FER1L5: variants seen among roughly 807,000 people sequenced by gnomAD.
The protein encoded by FER1L5 is fer-1-like protein 5.
Under a neutral mutation model 279.9 loss-of-function variants are expected in FER1L5, and 187 were observed. That is an observed-to-expected ratio of 0.67 (90% CI 0.59 to 0.75). FER1L5 has a LOEUF of 0.75. Among genes scored for constraint, FER1L5 ranks in the 30% least tolerant of loss-of-function variants. The pLI is 0.00. For synonymous variants in FER1L5, 921 were observed against 989.7 expected (o/e 0.93, Z 1.30); for missense variants, 2,091 against 2,594.4 (o/e 0.81, Z 4.21).
rs1318881430 is a variant in FER1L5 at position 96,661,313 on chromosome 2, C to G, written c.779-12C>G. The G allele has an allele frequency of 6.6e-7, 1 of 1,516,334 alleles. No individual in the cohort carries two copies. Among genetic ancestry groups the G allele is most frequent in the African/African-American group, 1.4e-5 (1 of 71,450 alleles). 93.9% of individuals were successfully genotyped at this position (1,516,334 alleles called of 1,614,324 possible). A position where few individuals can be genotyped will look rare whatever the true frequency, so the allele number is the denominator to read the frequency against. ...TGCAGGCAGATCTCCCATGGCCTTT[C>G]TGCCTCTCTAGGTCACACACTCCTA... On this transcript the variant is annotated splice_polypyrimidine_tract_variant and intron_variant, in intron 10 of 52. Transcript: ENST00000624922.
chr2:96,683,672 AG>A (rs1364353927), intron 19 of FER1L5, among the ~76,000 whole-genome samples: 3 of 152,206 alleles, frequency 2.0e-5, no homozygotes, highest in Non-Finnish European at 4.4e-5. Flanking sequence ...TAGTCGCCAA[AG>A]AAAAGCACAA....
At position 96,691,601 on chromosome 2, in the gene FER1L5, G is replaced by C. The variant is rs1358984962; in HGVS notation, c.3064G>C (p.Glu1022Gln). The change falls in exon 29 of 53, where the codon GAG (glutamate) becomes CAG (glutamine). Residue 1022 changes from glutamate (E) to glutamine (Q), a missense_variant. By Grantham distance (29) the Glu-to-Gln change is conservative. Transcript: ENST00000624922. This position sits in a 1 kb window ranked among gnomAD's most constrained non-coding sequence, Gnocchi z 6.0. ...GGGCATCGCGCCCATATTCCTCCTG[G>C]AGGGGTCCTTGGTAAAGCCTCACAG... ...DKGIAPIFLL[E>Q]GSLAMDLKYH... The C allele has an allele frequency of 4.6e-6, 7 of 1,529,312 alleles. No homozygotes were observed. The Admixed American group carries it at 1.3e-4, about 28-fold the overall frequency. 94.7% of individuals were successfully genotyped at this position (1,529,312 alleles called of 1,614,324 possible).
In FER1L5 at chr2:96,646,442, G is replaced by C. The variant is rs368841036; in HGVS notation, c.127G>C (p.Val43Leu). The change falls in exon 2 of 53, where the codon GTG becomes CTG. Residue 43 changes from valine to leucine, a missense_variant. Physicochemically the swap from Val to Leu is conservative, Grantham distance 32. Transcript: ENST00000624922. Reference protein sequence around the residue: ...RTRVVEGNDPVWNETLIWHLW... With the variant: ...RTRVVEGNDPLWNETLIWHLW... ...TCGTGTGGTGGAAGGGAATGATCCC[G>C]TGTGGAATGAGGTAGACAACAGGGC... The C allele has an allele frequency of 3.6e-5, 56 of 1,551,626 alleles. No individual in the cohort carries two copies. Among genetic ancestry groups the C allele is most frequent in the Non-Finnish European group, 4.2e-5 (48 of 1,146,944 alleles).
chr2:96,663,434 T>G lies in FER1L5; in HGVS notation c.1072-5T>G, dbSNP rs1411850414. ...TGGCACCAACACTGCTTTGGGACAT[T>G]CCAGCTCAGGACACACATGCAGACC... On this transcript the variant is annotated splice_region_variant and splice_polypyrimidine_tract_variant and intron_variant, in intron 13 of 52. Transcript: ENST00000624922. 1 of 1,551,508 alleles carries G rather than the reference T, an allele frequency of 6.4e-7. No homozygotes were observed. The highest frequency in any genetic ancestry group is 2.4e-5 in the East Asian group (1 of 40,906).
chr2:96,693,721 A>G, intron 32 of FER1L5, 34 bp downstream of exon 32: 1 of 1,540,614 alleles, frequency 6.5e-7, no homozygotes, highest in Non-Finnish European at 8.8e-7. Context: ...GGGGAAGAGG[A>G]CCTACCTCAC....
rs2077617273 is a variant in FER1L5 at position 96,702,395 on chromosome 2, T to G, written c.5249T>G (p.Ile1750Ser). 6.2e-7 allele frequency: 1 copy of G among 1,610,834 alleles called. No homozygotes were observed. Among genetic ancestry groups the G allele is most frequent in the Non-Finnish European group, 8.5e-7 (1 of 1,178,638 alleles). The change falls in exon 47 of 53, where the codon ATC (isoleucine) becomes AGC (serine). Residue 1750 changes from isoleucine (I) to serine (S), a missense_variant. Transcript: ENST00000624922. The surrounding 1 kb of genome is among the most constrained non-coding windows in gnomAD (Gnocchi z 4.0). Reference protein sequence around the residue: ...LSREKTSDIYIKGWLYGLEKD... With the variant: ...LSREKTSDIYSKGWLYGLEKD... Reference sequence around the variant, plus strand: ...AGAGAGAAGACGAGCGACATCTACATCAAAGGGTAGGGAAGAGGAGTCAGG... The same window carrying G: ...AGAGAGAAGACGAGCGACATCTACAGCAAAGGGTAGGGAAGAGGAGTCAGG...
At chr2:96,655,126 C>T (rs532049169) in intron 9 of FER1L5, among the ~76,000 whole-genome samples, 1 of 152,212 alleles carries the variant, frequency 6.6e-6, no homozygotes, top group East Asian at 1.9e-4. Flanking sequence ...GGACACAGTT[C>T]AAATCTCTGC....
At chr2:96,647,212 T>C (rs1484364573) in intron 3 of FER1L5, 57 bp downstream of exon 3, 1 of 1,497,742 alleles carries the variant, frequency 6.7e-7, no homozygotes, top group Non-Finnish European at 9.1e-7. Context: ...CAGCAAGTTA[T>C]GTGATCCTTG....
Position 96,646,445 on chromosome 2 carries a change from T to G in FER1L5, c.130T>G (p.Trp44Gly). ...TGTGGTGGAAGGGAATGATCCCGTG[T>G]GGAATGAGGTAGACAACAGGGCAAG... ...TRVVEGNDPVWNETLIWHLWN... is the reference protein window; with the variant it reads ...TRVVEGNDPVGNETLIWHLWN... Residue 44 changes from tryptophan to glycine, a missense_variant, in exon 2 of 53, where the codon TGG becomes GGG. Physicochemically the swap from Trp to Gly is radical, Grantham distance 184. Transcript: ENST00000624922. The G allele has an allele frequency of 6.4e-7, 1 of 1,551,684 alleles. No homozygotes were observed. The highest frequency in any genetic ancestry group is 2.4e-5 in the East Asian group (1 of 40,916).
chr2:96,702,718 C>T lies in FER1L5; in HGVS notation c.5374C>T (p.Arg1792Cys), dbSNP rs200851091. 9.6e-4 allele frequency: 1,553 copies of T among 1,613,004 alleles called. 18 individuals are homozygous for T. In the African/African-American group the frequency reaches 0.019, roughly 19 times the overall value. The stretch of plus-strand genomic sequence containing the variant: ...TACCATGGACTACCTGGCGGCGGAG[C>T]GCACGTGTGTCCAGAGCCAGAAGGT... The part of the protein sequence containing the change: ...IFTMDYLAAE[R>C]TCVQSQKDYI... Residue 1792 changes from arginine to cysteine, a missense_variant, in exon 48 of 53, where the codon CGC becomes TGC. Arg to Cys is a radical substitution (Grantham distance 180, BLOSUM62 -3). Transcript: ENST00000624922. The surrounding 1 kb of genome is among the most constrained non-coding windows in gnomAD (Gnocchi z 4.0).
Position 96,660,774 on chromosome 2 carries a change from G to A in FER1L5, c.778+403G>A, listed in dbSNP as rs1296347154. Among the ~76,000 whole-genome samples, 3 of 152,214 alleles carry A rather than the reference G, an allele frequency of 2.0e-5. No homozygotes were observed. In the East Asian group the frequency reaches 5.8e-4, roughly 29 times the overall value. On this transcript the variant is annotated intron_variant, in intron 10 of 52. Transcript: ENST00000624922. ...TCACCATGTTAGCCAGGCTGGTCTC[G>A]AACTCTTGACCTCAGGTGATCCACC...
intron 14 of FER1L5, among the ~76,000 whole-genome samples, chr2:96,668,541 A>G (rs574083957): frequency 1.3e-3 from 195 of 152,232 alleles, no homozygotes; most frequent in South Asian, 7.5e-3. Flanking sequence ...CTGAAACAAA[A>G]CAAAGCAAAC....
At chr2:96,667,397 G>GAGT (rs1193109105) in intron 14 of FER1L5, among the ~76,000 whole-genome samples, 1 of 150,370 alleles carries the variant, frequency 6.7e-6, no homozygotes, top group African/African-American at 2.5e-5. Context: ...GCCTAGGCTG[G>GAGT]AGTGCAATGG....
intron 11 of FER1L5, 81 bp downstream of exon 11, chr2:96,661,521 C>A: frequency 1.3e-6 from 2 of 1,502,876 alleles, no homozygotes; most frequent in Non-Finnish European, 9.1e-7. Flanking sequence ...TGGATATTGA[C>A]CATCACATCT....
intron 2 of FER1L5, 36 bp from the exon 3 acceptor site, chr2:96,647,028 A>G (rs2075161585): frequency 6.5e-7 from 1 of 1,541,352 alleles, no homozygotes; most frequent in Non-Finnish European, 8.8e-7. Context: ...TGGGAAGGGC[A>G]GAGGGAGGAT....
Position 96,696,092 on chromosome 2 carries a change from C to G in FER1L5, c.4083+15C>G. On this transcript the variant is annotated intron_variant, in intron 37 of 52. Coordinates refer to ENST00000624922, the MANE Select transcript of FER1L5 (RefSeq NM_001293083.2). ...AGCACCAAGACGTAAGTAAGGGCTGCAGGCCCACCTTCTCCCATACTGTTG... is the reference window on the plus strand; with the variant it reads ...AGCACCAAGACGTAAGTAAGGGCTGGAGGCCCACCTTCTCCCATACTGTTG... 1 of 1,613,636 alleles carries G rather than the reference C, an allele frequency of 6.2e-7. No individual in the cohort carries two copies. Among genetic ancestry groups the G allele is most frequent in the South Asian group, 1.1e-5 (1 of 91,036 alleles).
intron 14 of FER1L5, among the ~76,000 whole-genome samples, chr2:96,667,740 G>T (rs1346325058): frequency 6.6e-6 from 1 of 152,254 alleles, no homozygotes; most frequent in South Asian, 2.1e-4. Flanking sequence ...GCCTCTCCAT[G>T]AGATGGTTTG....
rs538769075 is a variant in FER1L5, at chr2:96,690,590, G to T, written c.2743+1G>T. 11 of 1,551,462 alleles carry T rather than the reference G, an allele frequency of 7.1e-6. No homozygotes were observed. The South Asian group carries it at 1.2e-4, about 17-fold the overall frequency. ...CTGAACCACGCAGTGGACAGTAAGG[G>T]TCAGTCGTTTGGTCAGGGTTGGGAT... On this transcript the variant is annotated splice_donor_variant, in intron 27 of 52. Transcript: ENST00000624922. LOFTEE classifies it high-confidence loss of function.
rs750341048 is a variant in FER1L5 at position 96,671,106 on chromosome 2, C to CAAA, written c.1491+879_1491+881dup. On this transcript the variant is annotated intron_variant, in intron 18 of 52. Transcript: ENST00000624922. Reference sequence around the variant, plus strand: ...TGGGTGACAGAGTGAGACTCCATCTCAAAAAAAAAAAAAAAAAAAAAAGGA... The same window carrying CAAA: ...TGGGTGACAGAGTGAGACTCCATCTCAAAAAAAAAAAAAAAAAAAAAAAAAGGA... Among the ~76,000 whole-genome samples, 22 of 40,204 alleles carry CAAA rather than the reference C, an allele frequency of 5.5e-4. 2 individuals are homozygous for CAAA. Among genetic ancestry groups the CAAA allele is most frequent in the African/African-American group, 8.0e-4 (6 of 7,536 alleles). 26.4% of individuals were successfully genotyped at this position (40,204 alleles called of 152,430 possible). A position where few individuals can be genotyped will look rare whatever the true frequency, so the allele number is the denominator to read the frequency against.
Sources: allele counts gnomAD v4.1 joint callset (sites outside exome capture counted in the v4.1 genomes callset), GRCh38; gene constraint gnomAD v4.1.1; non-coding constraint Gnocchi (gnomAD v3.1); transcripts MANE v1.5; gene names NCBI Gene and HGNC (gene_info 2026-07-23, HGNC 2026-07-21).